MTHFD1L: variants seen among roughly 807,000 people sequenced by gnomAD.
MTHFD1L encodes the protein monofunctional C1-tetrahydrofolate synthase, mitochondrial.
In MTHFD1L, 81 loss-of-function variants were observed where a neutral mutation model predicts 119.5. The observed-to-expected ratio is 0.68, with a 90% CI of 0.57 to 0.82. The LOEUF (loss-of-function observed/expected upper bound fraction) is 0.82. Ranked by LOEUF, MTHFD1L falls within the 40% of genes least tolerant of loss-of-function variation. The probability of loss-of-function intolerance (pLI) is 0.00; values close to 1 mark genes in which losing one functional copy is unlikely to be tolerated. For missense variants in MTHFD1L, 1,125 were observed against 1,253.4 expected (o/e 0.90, Z 1.55); for synonymous variants, 430 against 475.2 (o/e 0.90, Z 1.24).
At chr6:151,059,513 T>G (rs1790388444) in intron 26 of MTHFD1L, among the ~76,000 whole-genome samples, 1 of 152,168 alleles carries the variant, frequency 6.6e-6, no homozygotes, top group South Asian at 2.1e-4. Flanking sequence ...ATATAAAATT[T>G]GAAAATGTTC....
chr6:151,087,250 A>AAAATAAATAAATAAAT (rs10684000), intron 26 of MTHFD1L, among the ~76,000 whole-genome samples: 2 of 145,406 alleles, frequency 1.4e-5, no homozygotes, highest in East Asian at 2.0e-4. Context: ...GGCCATCTCA[A>AAAATAAATAAATAAAT]AAATAAATAA....
At chr6:151,036,651 G>T (rs1191710976) in intron 25 of MTHFD1L, among the ~76,000 whole-genome samples, 1 of 152,150 alleles carries the variant, frequency 6.6e-6, no homozygotes, top group Non-Finnish European at 1.5e-5. Context: ...TTGGAAAGTG[G>T]TTTCTACAGC....
At chr6:151,064,106 A>G (rs1206101112) in intron 26 of MTHFD1L, among the ~76,000 whole-genome samples, 1 of 152,032 alleles carries the variant, frequency 6.6e-6, no homozygotes, top group Non-Finnish European at 1.5e-5. Flanking sequence ...AAAATATGCT[A>G]TTTTAAAGTT....
chr6:150,887,779 G>A, intron 6 of MTHFD1L, 66 bp from the exon 7 acceptor site: 2 of 1,479,910 alleles, frequency 1.4e-6, no homozygotes, highest in Non-Finnish European at 1.8e-6. Context: ...TTTTTCTTAA[G>A]ATAAAGTTCT....
Position 150,926,345 on chromosome 6 carries a change from C to T in MTHFD1L, c.1256+50C>T. 1 of 1,525,052 alleles carries T rather than the reference C, an allele frequency of 6.6e-7. No homozygotes were observed. Among genetic ancestry groups the T allele is most frequent in the Non-Finnish European group, 9.0e-7 (1 of 1,111,746 alleles). The allele number at this position is 1,525,052 out of a possible 1,614,324, so 94.5% of individuals were successfully genotyped here. A position where few individuals can be genotyped will look rare whatever the true frequency, so the allele number is the denominator to read the frequency against. ...TGATCAAGCAGACATATTTACAAAA[C>T]TCTTCCCTATTTATCTCTCTCCTCG... On this transcript the variant is annotated intron_variant, in intron 11 of 27. Coordinates refer to ENST00000367321, the MANE Select transcript of MTHFD1L (RefSeq NM_015440.5). The surrounding 1 kb of genome is among the most constrained non-coding windows in gnomAD (Gnocchi z 4.3).
At chr6:150,928,914 G>A (rs1422618281) in intron 11 of MTHFD1L, among the ~76,000 whole-genome samples, 1 of 152,136 alleles carries the variant, frequency 6.6e-6, no homozygotes, top group Non-Finnish European at 1.5e-5. Context: ...GGCATTGTAA[G>A]GAATTCATCC....
intron 24 of MTHFD1L, among the ~76,000 whole-genome samples, chr6:151,033,311 G>A (rs1290664198): frequency 1.3e-5 from 2 of 151,860 alleles, no homozygotes; most frequent in Non-Finnish European, 2.9e-5. Flanking sequence ...GCAGAGACGG[G>A]GTTTCACCAT....
intron 15 of MTHFD1L, among the ~76,000 whole-genome samples, chr6:150,946,725 C>T (rs896216568): frequency 8.5e-5 from 13 of 152,122 alleles, no homozygotes; most frequent in Non-Finnish European, 1.9e-4. Flanking sequence ...ATTCCATCCT[C>T]GGCAGCTATA....
intron 13 of MTHFD1L, among the ~76,000 whole-genome samples, chr6:150,940,161 C>T (rs559286291): frequency 2.6e-5 from 4 of 152,210 alleles, no homozygotes; most frequent in South Asian, 2.1e-4. Flanking sequence ...TGGCGAGTTG[C>T]GGGCCTTTCT....
intron 20 of MTHFD1L, among the ~76,000 whole-genome samples, chr6:150,999,180 C>T (rs957858664): frequency 6.6e-6 from 1 of 152,010 alleles, no homozygotes; most frequent in African/African-American, 2.4e-5. Flanking sequence ...ACCATTTTTG[C>T]ATAATTGCAT....
chr6:150,948,015 G>GT (rs200143533), intron 15 of MTHFD1L, among the ~76,000 whole-genome samples: 45 of 150,164 alleles, frequency 3.0e-4, no homozygotes, highest in African/African-American at 5.9e-4. Context: ...TTTGTTTTTT[G>GT]TTTTTTTTTG....
intron 11 of MTHFD1L, among the ~76,000 whole-genome samples, chr6:150,936,173 G>A (rs970550170): frequency 1.3e-5 from 2 of 152,114 alleles, no homozygotes; most frequent in Admixed American, 1.3e-4. Flanking sequence ...CAACATGAAT[G>A]CAGATGCCTT....
chr6:150,905,801 C>A (rs1308950144), intron 8 of MTHFD1L, 40 bp downstream of exon 8: 2 of 1,424,328 alleles, frequency 1.4e-6, no homozygotes, highest in South Asian at 2.3e-5. Flanking sequence ...CTGATTAGGT[C>A]AGATAGTTCA....
intron 10 of MTHFD1L, 116 bp downstream of exon 10, chr6:150,922,418 C>T: frequency 1.5e-6 from 1 of 655,820 alleles, no homozygotes; most frequent in Non-Finnish European, 2.5e-6. Context: ...AGATAAGTTT[C>T]TCTATTCATT....
chr6:150,925,847 T>C (rs1454221776), intron 10 of MTHFD1L, among the ~76,000 whole-genome samples: 1 of 152,166 alleles, frequency 6.6e-6, no homozygotes, highest in Non-Finnish European at 1.5e-5. Flanking sequence ...CATTATAATA[T>C]GCTGTTCTTG....
chr6:151,044,971 G>A (rs1390651608), intron 26 of MTHFD1L, among the ~76,000 whole-genome samples: 9 of 152,044 alleles, frequency 5.9e-5, no homozygotes, highest in African/African-American at 1.7e-4. Context: ...TTTGTTTTCC[G>A]TCCCCCTCCC....
At position 151,041,975 on chromosome 6, in the gene MTHFD1L, T is replaced by C. The variant is rs539366251; in HGVS notation, c.2847+4858T>C. ...TCACTTATAGGCCAGGGTTTTTTTT[T>C]CCTACCATTGAATTATTTCGTCATG... is the stretch of plus-strand genomic sequence containing the variant. On this transcript the variant is annotated intron_variant, in intron 26 of 27. Coordinates refer to ENST00000367321, the MANE Select transcript of MTHFD1L (RefSeq NM_015440.5). The C allele has an allele frequency of 5.1e-5, 19 of 370,396 alleles. 1 individual carries two copies. Among genetic ancestry groups the C allele is most frequent in the South Asian group, 4.2e-4 (19 of 45,684 alleles). The allele number at this position is 370,396 out of a possible 1,614,324, so 22.9% of individuals were successfully genotyped here. A position where few individuals can be genotyped will look rare whatever the true frequency, so the allele number is the denominator to read the frequency against.
intron 13 of MTHFD1L, among the ~76,000 whole-genome samples, chr6:150,943,759 T>G (rs1340598044): frequency 6.6e-6 from 1 of 152,176 alleles, no homozygotes; most frequent in Non-Finnish European, 1.5e-5. Flanking sequence ...AGGAAGATGA[T>G]TCTACAAATG....
intron 19 of MTHFD1L, among the ~76,000 whole-genome samples, chr6:150,969,839 G>A (rs1797775800): frequency 6.6e-6 from 1 of 152,148 alleles, no homozygotes; most frequent in Admixed American, 6.5e-5. Flanking sequence ...TCTTCAGGAT[G>A]TTCCGTGTCA....
Sources: gnomAD v4.1 joint callset for allele counts (sites outside exome capture counted in the v4.1 genomes callset) on GRCh38, gnomAD v4.1.1 for gene constraint, Gnocchi (gnomAD v3.1) non-coding constraint, MANE v1.5 for transcripts, NCBI Gene and HGNC (gene_info 2026-07-23, HGNC 2026-07-21) for gene names.